MYPN: variants seen among roughly 807,000 people sequenced by gnomAD.
MYPN encodes the protein sarcomeric protein myopalladin, 145 kDa (MYOP).
In MYPN, 63 loss-of-function variants were observed where a neutral mutation model predicts 129.4. The ratio of observed to expected loss-of-function variants is 0.49; its 90% CI spans 0.40 to 0.60. The LOEUF (loss-of-function observed/expected upper bound fraction) is 0.60. Ranked by LOEUF, MYPN falls within the 20% of genes least tolerant of loss-of-function variation. The pLI is 0.00. For missense variants in MYPN, 1,596 were observed against 1,635.4 expected, an observed-to-expected ratio of 0.98 and a Z score of 0.42; for synonymous variants, 629 against 600.9, an observed-to-expected ratio of 1.05 and a Z score of -0.68.
intron 11 of MYPN, 58 bp from the exon 12 acceptor site, chr10:68,175,265 C>G: frequency 1.9e-6 from 3 of 1,595,122 alleles, no homozygotes; most frequent in South Asian, 1.1e-5. Flanking sequence ...GATTTCTAGG[C>G]CTTTTTACCC....
intron 12 of MYPN, among the ~76,000 whole-genome samples, chr10:68,182,512 C>T (rs756496534): frequency 2.2e-5 from 3 of 133,558 alleles, no homozygotes; most frequent in Admixed American, 8.0e-5. Flanking sequence ...ATATATATGG[C>T]ATTTTTTTTT....
In MYPN at chr10:68,197,414, A is replaced by G. The variant is rs759830981; in HGVS notation, c.3221A>G (p.His1074Arg). The change falls in exon 16 of 20, where the codon CAT becomes CGT. Residue 1074 changes from histidine to arginine, a missense_variant. His to Arg is a conservative substitution (Grantham distance 29). Coordinates refer to ENST00000358913, the MANE Select transcript of MYPN (RefSeq NM_032578.4). ...CTACAGGAACGCTTTTTCCGACCACATTTCCTGCAGGCTCCTGGGGATATG... is the reference window on the plus strand; with the variant it reads ...CTACAGGAACGCTTTTTCCGACCACGTTTCCTGCAGGCTCCTGGGGATATG... ...EPLQERFFRP[H>R]FLQAPGDMVA... is the part of the protein sequence containing the mutation. The G allele has an allele frequency of 2.5e-6, 4 of 1,613,922 alleles. No homozygotes were observed. The highest frequency in any genetic ancestry group is 3.4e-6 in the Non-Finnish European group (4 of 1,179,942).
At chr10:68,148,302 C>T (rs1309040316) in intron 4 of MYPN, 51 bp from the exon 5 acceptor site, 1 of 1,407,352 alleles carries the variant, frequency 7.1e-7, no homozygotes, top group Non-Finnish European at 1.0e-6. Context: ...AAATAATTTT[C>T]ACAAAGAGTG....
intron 7 of MYPN, among the ~76,000 whole-genome samples, chr10:68,159,458 C>G (rs74994023): frequency 1.1e-3 from 160 of 152,232 alleles, no homozygotes; most frequent in African/African-American, 3.7e-3. Context: ...TGGGATGAAA[C>G]TTTTCTTTTT....
intron 4 of MYPN, among the ~76,000 whole-genome samples, chr10:68,147,380 C>A (rs1305384286): frequency 6.6e-6 from 1 of 152,190 alleles, no homozygotes; most frequent in Admixed American, 6.5e-5. Context: ...TGGTCTTGAA[C>A]TCTTGGTCTT....
At chr10:68,111,338 C>T (rs1366996288) in intron 1 of MYPN, among the ~76,000 whole-genome samples, 7 of 152,194 alleles carry the variant, frequency 4.6e-5, no homozygotes, top group Non-Finnish European at 1.0e-4. Flanking sequence ...ATAGTAGACT[C>T]AGTTCACTAA....
chr10:68,115,756 A>G (rs2042147944), intron 1 of MYPN, among the ~76,000 whole-genome samples: 1 of 152,178 alleles, frequency 6.6e-6, no homozygotes, highest in Non-Finnish European at 1.5e-5. Flanking sequence ...CAAGACCTTA[A>G]ATGATCTGGC....
chr10:68,189,226 T>C, intron 13 of MYPN, 100 bp downstream of exon 13: 1 of 843,920 alleles, frequency 1.2e-6, no homozygotes, highest in Non-Finnish European at 2.0e-6. Flanking sequence ...TTTTTTCTTC[T>C]TTTTTGTATT....
At chr10:68,144,713 T>C (rs1564660167) in intron 3 of MYPN, among the ~76,000 whole-genome samples, 2 of 152,138 alleles carry the variant, frequency 1.3e-5, no homozygotes, top group South Asian at 2.1e-4. Context: ...CTTGTTAATA[T>C]TAGGACTGGA....
At chr10:68,176,741 C>T (rs1350625363) in intron 12 of MYPN, among the ~76,000 whole-genome samples, 8 of 152,294 alleles carry the variant, frequency 5.3e-5, no homozygotes, top group Non-Finnish European at 1.2e-4. Flanking sequence ...AATGCCAACG[C>T]TACTATTCTT....
upstream of MYPN, chr10:68,106,763 A>C: frequency 1.4e-6 from 1 of 717,346 alleles, no homozygotes; most frequent in South Asian, 1.5e-5. Flanking sequence ...CTGCCATAGA[A>C]CTTCCAGATT....
chr10:68,160,441 A>C (rs60994309), intron 7 of MYPN, among the ~76,000 whole-genome samples: 24,641 of 139,392 alleles, frequency 0.18, 1,808 homozygotes, highest in African/African-American at 0.26. Context: ...AAAAAAAAAA[A>C]AAAAAAAAAA....
chr10:68,166,455 C>A lies in MYPN; in HGVS notation c.1762C>A (p.Pro588Thr). ...LEGVLVNHNE[P>T]RSSSRIGLRV... The stretch of plus-strand genomic sequence containing the variant: ...GGGGGTTCTGGTGAACCACAATGAG[C>A]CCCGGTCCAGCTCCAGGATTGGGCT... The change falls in exon 10 of 20, where the codon CCC becomes ACC. Residue 588 changes from proline (P) to threonine (T), a missense_variant. Pro to Thr is a conservative substitution (Grantham distance 38). Coordinates refer to ENST00000358913, the MANE Select transcript of MYPN (RefSeq NM_032578.4). The A allele has an allele frequency of 6.2e-7, 1 of 1,614,154 alleles. No individual in the cohort carries two copies.
intron 6 of MYPN, among the ~76,000 whole-genome samples, chr10:68,150,854 C>T (rs2042757299): frequency 6.6e-6 from 1 of 152,282 alleles, no homozygotes; most frequent in South Asian, 2.1e-4. Flanking sequence ...AAATAGGCAA[C>T]ATCTATGCCT....
At position 68,150,093 on chromosome 10, in the gene MYPN, A is replaced by C; in HGVS notation, c.1299A>C (p.Ala433=). ...LQGLDGKPII[A]APVFTKMLQN... is the part of the protein sequence containing the mutation. ...GATTGGATGGAAAACCTATCATTGC[A>C]GCTCCTGTGTTTACAAAGGTAATAA... The change falls in exon 6 of 20, where the codon GCA becomes GCC. Residue 433 remains alanine (A), a synonymous_variant. Coordinates refer to ENST00000358913, the MANE Select transcript of MYPN (RefSeq NM_032578.4). 1 of 1,613,772 alleles carries C rather than the reference A, an allele frequency of 6.2e-7. No individual in the cohort carries two copies. Among genetic ancestry groups the C allele is most frequent in the South Asian group, 1.1e-5 (1 of 91,068 alleles).
Position 68,145,513 on chromosome 10 carries a change from G to T in MYPN, c.1117G>T (p.Glu373Ter). Residue 373 changes from glutamate (E) to a stop codon, truncating the protein, a stop_gained, in exon 4 of 20, where the codon GAA (glutamate) becomes TAA (stop). Transcript: ENST00000358913. LOFTEE classifies it high-confidence loss of function. ...SSDSEGDPNK[E>*]EMNRIQKPNE... ...TGACTCAGAAGGCGACCCTAACAAG[G>T]AAGAGATGAATCGGTAATTCTGATT... is the stretch of plus-strand genomic sequence containing the variant. 1 of 1,613,126 alleles carries T rather than the reference G, an allele frequency of 6.2e-7. No individual in the cohort carries two copies. Among genetic ancestry groups the T allele is most frequent in the Non-Finnish European group, 8.5e-7 (1 of 1,179,402 alleles).
At chr10:68,194,893 C>T (rs1006789292) in intron 14 of MYPN, among the ~76,000 whole-genome samples, 29 of 152,254 alleles carry the variant, frequency 1.9e-4, no homozygotes, top group African/African-American at 5.8e-4. Context: ...AATTACTTTG[C>T]GAAGGTTTGT....
intron 10 of MYPN, among the ~76,000 whole-genome samples, chr10:68,170,881 G>A (rs2043133473): frequency 6.6e-6 from 1 of 152,178 alleles, no homozygotes; most frequent in Admixed American, 6.5e-5. Flanking sequence ...GGGCATGGTG[G>A]CTCAAGCCTG....
At position 68,174,150 on chromosome 10, in the gene MYPN, G is replaced by T; in HGVS notation, c.2058G>T (p.Lys686Asn). 1 of 1,613,952 alleles carries T rather than the reference G, an allele frequency of 6.2e-7. No individual in the cohort carries two copies. The highest frequency in any genetic ancestry group is 1.7e-5 in the Admixed American group (1 of 59,998). The change falls in exon 11 of 20, where the codon AAG becomes AAT. Residue 686 changes from lysine to asparagine, a missense_variant. Lys to Asn is a moderately conservative substitution (Grantham distance 94). Transcript: ENST00000358913. ...QLQNPPPSSP[K>N]EFPFSMTVLN... is the part of the protein sequence containing the mutation. ...AAAACCCACCTCCTTCATCTCCTAAGGAGTTTCCTTTCAGCATGACTGTTT... is the reference window on the plus strand; with the variant it reads ...AAAACCCACCTCCTTCATCTCCTAATGAGTTTCCTTTCAGCATGACTGTTT...
Sources: gnomAD v4.1 joint callset for allele counts (sites outside exome capture counted in the v4.1 genomes callset) on GRCh38, gnomAD v4.1.1 for gene constraint, MANE v1.5 for transcripts, NCBI Gene and HGNC (gene_info 2026-07-23, HGNC 2026-07-21) for gene names.